RAP1GDS1: variants seen among roughly 807,000 people sequenced by gnomAD.
RAP1GDS1 encodes the protein RAP1, GTP-GDP dissociation stimulator 1.
RAP1GDS1 carries 35 observed loss-of-function variants against 71.1 expected under a neutral mutation model. The ratio of observed to expected loss-of-function variants is 0.49; its 90% confidence interval spans 0.38 to 0.65. The LOEUF (loss-of-function observed/expected upper bound fraction) is 0.65, where lower values mean the gene tolerates loss of function less well. Ranked by LOEUF, RAP1GDS1 falls within the 30% of genes least tolerant of loss-of-function variation. The pLI is 0.00. For missense variants in RAP1GDS1, 663 were observed against 706.1 expected (o/e 0.94, Z 0.69); for synonymous variants, 229 against 243.1 (o/e 0.94, Z 0.54).
chr4:98,387,213 A>G (rs574180882), intron 5 of RAP1GDS1, among the ~76,000 whole-genome samples: 15 of 152,294 alleles, frequency 9.8e-5, no homozygotes, highest in South Asian at 4.1e-4. Context: ...CTTAAGTTCT[A>G]TTTACCAAAA....
At chr4:98,440,690 G>A (rs1029990467) in intron 14 of RAP1GDS1, among the ~76,000 whole-genome samples, 2 of 152,114 alleles carry the variant, frequency 1.3e-5, no homozygotes, top group Non-Finnish European at 2.9e-5. Flanking sequence ...GAATTGAAGG[G>A]TGTTGTTGTT....
intron 1 of RAP1GDS1, among the ~76,000 whole-genome samples, chr4:98,262,537 T>G (rs1722174203): frequency 6.6e-6 from 1 of 152,234 alleles, no homozygotes. Context: ...AATGCTGTCA[T>G]GTAATTAAGA....
intron 2 of RAP1GDS1, among the ~76,000 whole-genome samples, chr4:98,338,583 G>T (rs555850584): frequency 7.2e-5 from 11 of 152,114 alleles, no homozygotes; most frequent in Non-Finnish European, 1.2e-4. Flanking sequence ...TGAGCCTTCA[G>T]TGAAAACCTG....
intron 2 of RAP1GDS1, among the ~76,000 whole-genome samples, chr4:98,341,451 T>C (rs1735490394): frequency 6.6e-6 from 1 of 152,208 alleles, no homozygotes; most frequent in African/African-American, 2.4e-5. Context: ...CTCTTTTAGT[T>C]ACAGTTAAAT....
intron 12 of RAP1GDS1, among the ~76,000 whole-genome samples, chr4:98,427,405 G>A (rs1047680646): frequency 2.6e-5 from 4 of 152,014 alleles, no homozygotes; most frequent in Admixed American, 1.3e-4. Context: ...CATCCACATC[G>A]GTAAAGAGGA....
intron 5 of RAP1GDS1, among the ~76,000 whole-genome samples, chr4:98,387,810 T>A (rs1366370348): frequency 1.3e-5 from 2 of 152,188 alleles, no homozygotes; most frequent in Non-Finnish European, 2.9e-5. Flanking sequence ...ATTGCTGTGT[T>A]TGTTGAGCTC....
intron 12 of RAP1GDS1, among the ~76,000 whole-genome samples, chr4:98,433,225 A>T (rs1292640548): frequency 6.6e-6 from 1 of 152,150 alleles, no homozygotes; most frequent in African/African-American, 2.4e-5. Context: ...AGTACTTAAA[A>T]TTTTTTCATA....
chr4:98,338,148 A>G lies in RAP1GDS1; in HGVS notation c.113-4991A>G, dbSNP rs1734966485. On this transcript the variant is annotated intron_variant, in intron 2 of 14. Coordinates refer to ENST00000408927, the MANE Select transcript of RAP1GDS1 (RefSeq NM_001100427.2). ...AAAAGACAATAGTGAAATGGAATCT[A>G]TGGGACCTATGTTCTGATTAAATGT... Among the ~76,000 whole-genome samples the G allele has an allele frequency of 1.3e-5, 2 of 152,134 alleles. 1 individual carries two copies. The highest frequency in any genetic ancestry group is 4.1e-4 in the South Asian group (2 of 4,824).
At chr4:98,367,377 A>T (rs775118081) in intron 4 of RAP1GDS1, among the ~76,000 whole-genome samples, 1 of 152,160 alleles carries the variant, frequency 6.6e-6, no homozygotes, top group Non-Finnish European at 1.5e-5. Context: ...CAGGGGTGGG[A>T]CCCTCATGGA....
At chr4:98,371,075 CTGTT>C (rs1260877083) in intron 4 of RAP1GDS1, among the ~76,000 whole-genome samples, 1 of 149,528 alleles carries the variant, frequency 6.7e-6, no homozygotes, top group Non-Finnish European at 1.5e-5. Flanking sequence ...TTCTGAAGCT[CTGTT>C]TGTAGGCATT....
intron 7 of RAP1GDS1, 88 bp downstream of exon 7, chr4:98,404,690 T>A: frequency 7.0e-7 from 1 of 1,430,690 alleles, no homozygotes; most frequent in Non-Finnish European, 9.5e-7. Flanking sequence ...GCCATTTGAC[T>A]CAAAACCATT....
At chr4:98,432,856 G>A (rs1281894025) in intron 12 of RAP1GDS1, among the ~76,000 whole-genome samples, 1 of 152,040 alleles carries the variant, frequency 6.6e-6, no homozygotes, top group African/African-American at 2.4e-5. Flanking sequence ...AACCCTTGGT[G>A]GAATGAAGAC....
intron 1 of RAP1GDS1, among the ~76,000 whole-genome samples, chr4:98,277,233 C>T (rs1219536908): frequency 6.6e-6 from 1 of 152,182 alleles, no homozygotes; most frequent in African/African-American, 2.4e-5. Flanking sequence ...AGAATCCAGA[C>T]ACTAATCACC....
intron 2 of RAP1GDS1, among the ~76,000 whole-genome samples, chr4:98,299,114 G>A (rs976972707): frequency 4.1e-4 from 62 of 152,228 alleles, no homozygotes; most frequent in African/African-American, 1.5e-3. Flanking sequence ...GTGTCCAAGT[G>A]TTCTCATTGT....
At position 98,435,447 on chromosome 4, in the gene RAP1GDS1, G is replaced by A. The variant is rs918080167; in HGVS notation, c.1567+1385G>A. ...GAGAAAAGAAAATGTTAAGAAAATT[G>A]TAGGGAAGAGAAAATATATTTACTA... On this transcript the variant is annotated intron_variant, in intron 13 of 14. Coordinates refer to ENST00000408927, the MANE Select transcript of RAP1GDS1 (RefSeq NM_001100427.2). Among the ~76,000 whole-genome samples the A allele has an allele frequency of 2.0e-5, 3 of 152,188 alleles. No homozygotes were observed. The South Asian group carries it at 6.2e-4, about 32-fold the overall frequency.
chr4:98,368,624 A>G (rs1017396297), intron 4 of RAP1GDS1, among the ~76,000 whole-genome samples: 1 of 152,214 alleles, frequency 6.6e-6, no homozygotes, highest in Non-Finnish European at 1.5e-5. Flanking sequence ...ATGAAGATCT[A>G]TATTTAACAA....
intron 2 of RAP1GDS1, among the ~76,000 whole-genome samples, chr4:98,300,516 C>T (rs1728426112): frequency 6.6e-6 from 1 of 151,952 alleles, no homozygotes; most frequent in Non-Finnish European, 1.5e-5. Flanking sequence ...TCTCCTGCCT[C>T]AGCCTCCTGA....
At chr4:98,382,634 G>A (rs1742180092) in intron 5 of RAP1GDS1, among the ~76,000 whole-genome samples, 1 of 151,472 alleles carries the variant, frequency 6.6e-6, no homozygotes, top group Non-Finnish European at 1.5e-5. Context: ...CCAAAACATT[G>A]CAGTGATGAC....
chr4:98,281,841 G>A (rs1417148853), intron 1 of RAP1GDS1, among the ~76,000 whole-genome samples: 1 of 152,066 alleles, frequency 6.6e-6, no homozygotes, highest in Non-Finnish European at 1.5e-5. Flanking sequence ...TTTGTCAATG[G>A]CCTTTTCTGC....
Sources: gnomAD v4.1 joint callset for allele counts (sites outside exome capture counted in the v4.1 genomes callset) on GRCh38, gnomAD v4.1.1 for gene constraint, MANE v1.5 for transcripts, NCBI Gene and HGNC (gene_info 2026-07-23, HGNC 2026-07-21) for gene names.